KCNQ5: variants seen among roughly 807,000 people sequenced by gnomAD.
The protein encoded by KCNQ5 is potassium voltage-gated channel subfamily KQT member 5.
In KCNQ5, 30 loss-of-function variants were observed where a neutral mutation model predicts 98.2. The observed-to-expected ratio is 0.31, with a 90% CI of 0.23 to 0.41. KCNQ5 has a LOEUF of 0.41. Among genes scored for constraint, KCNQ5 ranks in the 10% least tolerant of loss-of-function variants. The pLI, the probability that KCNQ5 is intolerant of heterozygous loss-of-function variation, is 1.00. For synonymous variants in KCNQ5, 458 were observed against 449.4 expected (o/e 1.02, Z -0.24); for missense variants, 835 against 1,182.5 (o/e 0.71, Z 4.31).
chr6:73,124,264 C>T (rs576063591), intron 8 of KCNQ5, among the ~76,000 whole-genome samples: 18 of 152,318 alleles, frequency 1.2e-4, no homozygotes, highest in African/African-American at 4.3e-4. Context: ...GCAGTCTTGG[C>T]TTTGCCAAGT....
Position 73,198,601 on chromosome 6 carries a change from C to CT in KCNQ5, c.*3188dup, listed in dbSNP as rs909918955. 5.5e-4 allele frequency: 84 copies of CT among 152,276 alleles called. No homozygotes were observed. The highest frequency in any genetic ancestry group is 3.4e-3 in the Middle Eastern group (1 of 294). The allele number at this position is 152,276 out of a possible 1,614,324, so 9.4% of individuals were successfully genotyped here. ...ATATCATAAATATTAACTTGTCTCC[C>CT]TAGAAGCTGAGATTTTTCGCCTTAA... is the stretch of plus-strand genomic sequence containing the variant. On this transcript the variant is annotated 3_prime_UTR_variant, in exon 14 of 14. Transcript: ENST00000370398.
intron 11 of KCNQ5, among the ~76,000 whole-genome samples, chr6:73,171,034 T>C (rs879896148): frequency 6.6e-6 from 1 of 152,198 alleles, no homozygotes; most frequent in Non-Finnish European, 1.5e-5. Context: ...CTTACTTCTG[T>C]TTTTAGTTGG....
intron 1 of KCNQ5, among the ~76,000 whole-genome samples, chr6:72,634,111 A>G (rs1236875471): frequency 1.3e-5 from 2 of 152,342 alleles, no homozygotes; most frequent in South Asian, 2.1e-4. Flanking sequence ...AGGGCTCCTC[A>G]TATCAGATGG....
At chr6:72,882,503 C>T (rs901965765) in intron 1 of KCNQ5, among the ~76,000 whole-genome samples, 1 of 151,986 alleles carries the variant, frequency 6.6e-6, no homozygotes, top group African/African-American at 2.4e-5. Flanking sequence ...TAAAAATGTC[C>T]CTAAATGCAG....
At chr6:72,998,603 G>A (rs781553244) in intron 1 of KCNQ5, among the ~76,000 whole-genome samples, 1 of 152,050 alleles carries the variant, frequency 6.6e-6, no homozygotes. Context: ...CGGGCTTGGT[G>A]GTGGGTGCCT....
In KCNQ5 at chr6:72,975,529, C is replaced by T. The variant is rs561064673; in HGVS notation, c.399-28379C>T. Among the ~76,000 whole-genome samples the T allele has an allele frequency of 2.0e-5, 3 of 152,254 alleles. No homozygotes were observed. The East Asian group carries it at 5.8e-4, about 29-fold the overall frequency. ...AACAAGTGCCATTGTAGGTCAATCC[C>T]TAGAGAAACATCTGTCTTCTCTATT... On this transcript the variant is annotated intron_variant, in intron 1 of 13. Transcript: ENST00000370398.
intron 2 of KCNQ5, among the ~76,000 whole-genome samples, chr6:73,034,083 AT>A (rs1283072677): frequency 1.3e-5 from 2 of 152,246 alleles, no homozygotes; most frequent in East Asian, 3.8e-4. Flanking sequence ...GTTTGGAGCC[AT>A]CTCTAGATCT....
At chr6:73,068,085 C>G (rs1773144605) in intron 3 of KCNQ5, among the ~76,000 whole-genome samples, 1 of 152,102 alleles carries the variant, frequency 6.6e-6, no homozygotes, top group African/African-American at 2.4e-5. Context: ...CACTTGAGGT[C>G]AGGAGTTCGA....
rs917405744 is a variant in KCNQ5, at chr6:72,983,039, C to T, written c.399-20869C>T. On this transcript the variant is annotated intron_variant, in intron 1 of 13. Coordinates refer to ENST00000370398, the MANE Select transcript of KCNQ5 (RefSeq NM_019842.4). The stretch of plus-strand genomic sequence containing the variant: ...CTTGTTGAGTTTCTGCCGAGAGATC[C>T]GCTGTTAGTCTGATGGGCTTCCCTT... Among the ~76,000 whole-genome samples the T allele has an allele frequency of 4.6e-5, 7 of 152,296 alleles. No homozygotes were observed. In the East Asian group the frequency reaches 9.6e-4, roughly 21 times the overall value.
chr6:72,809,054 T>C (rs1479291169), intron 1 of KCNQ5, among the ~76,000 whole-genome samples: 2 of 151,654 alleles, frequency 1.3e-5, no homozygotes, highest in African/African-American at 2.4e-5. Context: ...TGGAATACTA[T>C]GCAGCCATAA....
intron 1 of KCNQ5, among the ~76,000 whole-genome samples, chr6:72,686,333 G>A (rs1473293153): frequency 1.3e-5 from 2 of 152,006 alleles, no homozygotes; most frequent in South Asian, 2.1e-4. Flanking sequence ...ATGTTCCCTC[G>A]AGCTGATAGG....
intron 5 of KCNQ5, among the ~76,000 whole-genome samples, chr6:73,098,330 GGAGA>G (rs1188403144): frequency 6.6e-6 from 1 of 151,904 alleles, no homozygotes; most frequent in Non-Finnish European, 1.5e-5. Context: ...TAAAAAGTAG[GGAGA>G]GAGAGAGAAA....
chr6:72,906,394 C>T (rs1008381536), intron 1 of KCNQ5, among the ~76,000 whole-genome samples: 1 of 152,202 alleles, frequency 6.6e-6, no homozygotes, highest in Non-Finnish European at 1.5e-5. Context: ...GATTTGCACC[C>T]TCCCCTGAGT....
intron 1 of KCNQ5, among the ~76,000 whole-genome samples, chr6:72,792,533 A>G (rs1456809763): frequency 6.6e-6 from 1 of 152,214 alleles, no homozygotes; most frequent in African/African-American, 2.4e-5. Context: ...AAAACAGAGC[A>G]TTTCAGTGAC....
At chr6:72,950,917 T>C (rs1766773067) in intron 1 of KCNQ5, among the ~76,000 whole-genome samples, 2 of 152,230 alleles carry the variant, frequency 1.3e-5, no homozygotes. Flanking sequence ...ATCAAATTTC[T>C]ATTAATAATT....
chr6:72,706,259 T>A (rs1039574306), intron 1 of KCNQ5, among the ~76,000 whole-genome samples: 1 of 151,950 alleles, frequency 6.6e-6, no homozygotes, highest in Non-Finnish European at 1.5e-5. Flanking sequence ...ATTAACATGC[T>A]TTGAGTACAA....
chr6:72,938,915 A>G (rs1041342233), intron 1 of KCNQ5, among the ~76,000 whole-genome samples: 4 of 152,186 alleles, frequency 2.6e-5, no homozygotes, highest in African/African-American at 7.2e-5. Context: ...ATTTTAAAAG[A>G]AACGTTAAAT....
At chr6:73,004,316 A>C (rs927689442) in intron 2 of KCNQ5, among the ~76,000 whole-genome samples, 2 of 152,252 alleles carry the variant, frequency 1.3e-5, no homozygotes, top group African/African-American at 4.8e-5. Flanking sequence ...AAGAAGAATC[A>C]GTATCTATGA....
chr6:72,627,652 G>A (rs2098918640), intron 1 of KCNQ5, among the ~76,000 whole-genome samples: 1 of 152,186 alleles, frequency 6.6e-6, no homozygotes, highest in Non-Finnish European at 1.5e-5. Context: ...GGACCCAGTA[G>A]TGTAGGTTAG....
Sources: gnomAD v4.1 joint callset for allele counts (sites outside exome capture counted in the v4.1 genomes callset) on GRCh38, gnomAD v4.1.1 for gene constraint, MANE v1.5 for transcripts, NCBI Gene and HGNC (gene_info 2026-07-23, HGNC 2026-07-21) for gene names.